Variants in RNGTT observed in about 807,000 individuals in gnomAD.
RNGTT encodes the protein mRNA-capping enzyme.
Under a neutral mutation model 79.3 loss-of-function variants are expected in RNGTT, and 33 were observed. The ratio of observed to expected loss-of-function variants is 0.42; its 90% CI spans 0.32 to 0.56. RNGTT has a LOEUF of 0.56. RNGTT is among the 20% of genes least tolerant of loss of function. The pLI is 0.17. For synonymous variants in RNGTT, 222 were observed against 235.9 expected, an observed-to-expected ratio of 0.94 and a Z score of 0.54; for missense variants, 497 against 739.1, an observed-to-expected ratio of 0.67 and a Z score of 3.80.
chr6:88,695,611 G>A (rs1019861458), intron 13 of RNGTT, among the ~76,000 whole-genome samples: 5 of 152,096 alleles, frequency 3.3e-5, no homozygotes, highest in African/African-American at 1.2e-4. Flanking sequence ...AAAACTAAAA[G>A]TAGAATTATG....
At chr6:88,772,063 C>A (rs1025370826) in intron 12 of RNGTT, among the ~76,000 whole-genome samples, 1 of 151,830 alleles carries the variant, frequency 6.6e-6, no homozygotes, top group Non-Finnish European at 1.5e-5. Context: ...CCTGTAGTCC[C>A]GGCTCCTTAG....
At chr6:88,901,569 C>T (rs1460992649) in intron 6 of RNGTT, among the ~76,000 whole-genome samples, 4 of 132,564 alleles carry the variant, frequency 3.0e-5, no homozygotes, top group African/African-American at 8.9e-5. Flanking sequence ...TGCAGTGGCG[C>T]GATCTCAGCT....
intron 4 of RNGTT, among the ~76,000 whole-genome samples, chr6:88,926,843 G>A (rs1326766432): frequency 6.6e-6 from 1 of 152,184 alleles, no homozygotes; most frequent in Non-Finnish European, 1.5e-5. Context: ...AGACTAGCAG[G>A]GAGGAAATGT....
chr6:88,861,225 T>TC (rs1373209465), intron 8 of RNGTT, among the ~76,000 whole-genome samples: 2 of 152,168 alleles, frequency 1.3e-5, no homozygotes, highest in Non-Finnish European at 2.9e-5. Flanking sequence ...AGAAATAAAT[T>TC]CAAGTATACT....
chr6:88,808,291 C>T (rs1780025526), intron 11 of RNGTT, among the ~76,000 whole-genome samples: 1 of 152,080 alleles, frequency 6.6e-6, no homozygotes, highest in South Asian at 2.1e-4. Context: ...AGAACCCCAA[C>T]TAGGAAGTGG....
intron 14 of RNGTT, among the ~76,000 whole-genome samples, chr6:88,651,899 T>C (rs1316083301): frequency 6.6e-6 from 1 of 152,124 alleles, no homozygotes; most frequent in Non-Finnish European, 1.5e-5. Flanking sequence ...ATTTTATGTC[T>C]GTGCACATAG....
intron 13 of RNGTT, among the ~76,000 whole-genome samples, chr6:88,735,349 A>C (rs1308901555): frequency 6.6e-6 from 1 of 152,132 alleles, no homozygotes; most frequent in Non-Finnish European, 1.5e-5. Flanking sequence ...ACATTTATAG[A>C]ATAATTCATC....
intron 11 of RNGTT, among the ~76,000 whole-genome samples, chr6:88,838,820 A>T (rs1781167672): frequency 6.6e-6 from 1 of 152,174 alleles, no homozygotes; most frequent in Non-Finnish European, 1.5e-5. Flanking sequence ...AGAAAAGAAC[A>T]ACAAAGTTGG....
intron 12 of RNGTT, among the ~76,000 whole-genome samples, chr6:88,787,802 G>A (rs1035268184): frequency 6.6e-6 from 1 of 152,068 alleles, no homozygotes; most frequent in Non-Finnish European, 1.5e-5. Context: ...CAGTGACAAT[G>A]GAGAAAAAAG....
intron 13 of RNGTT, among the ~76,000 whole-genome samples, chr6:88,758,101 C>T (rs902495567): frequency 1.1e-4 from 17 of 151,976 alleles, no homozygotes; most frequent in African/African-American, 3.6e-4. Flanking sequence ...ATTGTTTTTA[C>T]TTATTTGATA....
intron 1 of RNGTT, among the ~76,000 whole-genome samples, chr6:88,943,840 C>T (rs1784925810): frequency 6.6e-6 from 1 of 152,150 alleles, no homozygotes; most frequent in African/African-American, 2.4e-5. Context: ...AACCTCCTTG[C>T]TCTGCCCCCA....
At chr6:88,690,250 A>G (rs9362542) in intron 13 of RNGTT, among the ~76,000 whole-genome samples, 17,354 of 152,194 alleles carry the variant, frequency 0.11, 1,114 homozygotes, top group Middle Eastern at 0.23. Context: ...ATAAATGTAC[A>G]TAAGTTGATA....
At chr6:88,658,815 C>T (rs888741527) in intron 14 of RNGTT, among the ~76,000 whole-genome samples, 2 of 152,214 alleles carry the variant, frequency 1.3e-5, no homozygotes, top group African/African-American at 2.4e-5. Flanking sequence ...TTCCTGCCCT[C>T]AAACATCAGA....
chr6:88,611,047 C>G lies in RNGTT; in HGVS notation c.*1672G>C, dbSNP rs540703750. 3 of 152,042 alleles carry G rather than the reference C, an allele frequency of 2.0e-5. No individual in the cohort carries two copies. Among genetic ancestry groups the G allele is most frequent in the African/African-American group, 7.2e-5 (3 of 41,412 alleles). 9.4% of individuals were successfully genotyped at this position (152,042 alleles called of 1,614,324 possible). A position where few individuals can be genotyped will look rare whatever the true frequency, so the allele number is the denominator to read the frequency against. The stretch of plus-strand genomic sequence containing the variant: ...GCATCAGTTGTTTTAATCCCTTTAG[C>G]GCCCAAATGTGCAAAAACACTCTAG... On this transcript the variant is annotated 3_prime_UTR_variant, in exon 16 of 16. Coordinates refer to ENST00000369485, the MANE Select transcript of RNGTT (RefSeq NM_003800.5).
chr6:88,769,220 G>T (rs1263158915), intron 13 of RNGTT, among the ~76,000 whole-genome samples: 1 of 152,046 alleles, frequency 6.6e-6, no homozygotes, highest in Non-Finnish European at 1.5e-5. Flanking sequence ...GTGCAGCAGG[G>T]TGCAGTCTCA....
chr6:88,726,389 C>CAAAAAAAAAAAAA (rs61210098), intron 13 of RNGTT, among the ~76,000 whole-genome samples: 36 of 99,506 alleles, frequency 3.6e-4, no homozygotes, highest in African/African-American at 3.6e-4. Context: ...ATCCTAAGTC[C>CAAAAAAAAAAAAA]AAAAAAAAAA....
chr6:88,682,922 T>C (rs957832650), intron 13 of RNGTT, among the ~76,000 whole-genome samples: 3 of 152,198 alleles, frequency 2.0e-5, no homozygotes, highest in African/African-American at 7.2e-5. Flanking sequence ...ATTGAAATTA[T>C]GAAATGTCTT....
At position 88,886,950 on chromosome 6, in the gene RNGTT, C is replaced by G. The variant is rs529597400; in HGVS notation, c.896+3545G>C. On this transcript the variant is annotated intron_variant, in intron 8 of 15. Coordinates refer to ENST00000369485, the MANE Select transcript of RNGTT (RefSeq NM_003800.5). ...TCCAGGCAGGGTTCAATGGCTCACA[C>G]TTATAATCCCAGTACTTCAGGAGGC... is the stretch of plus-strand genomic sequence containing the variant. Among the ~76,000 whole-genome samples, 506 of 149,736 alleles carry G rather than the reference C, an allele frequency of 3.4e-3. 2 individuals carry two copies. Among genetic ancestry groups the G allele is most frequent in the Non-Finnish European group, 5.1e-3 (346 of 67,402 alleles).
chr6:88,630,363 T>C (rs915107679), intron 14 of RNGTT, among the ~76,000 whole-genome samples: 4 of 152,242 alleles, frequency 2.6e-5, no homozygotes, highest in African/African-American at 9.6e-5. Flanking sequence ...ATCACTATCA[T>C]TTCCATTTTT....
Sources: gnomAD v4.1 joint callset for allele counts (sites outside exome capture counted in the v4.1 genomes callset) on GRCh38, gnomAD v4.1.1 for gene constraint, MANE v1.5 for transcripts, NCBI Gene and HGNC (gene_info 2026-07-23, HGNC 2026-07-21) for gene names.